Variants in MBD5 observed in about 807,000 individuals in gnomAD.
MBD5 encodes the protein methyl-CpG-binding domain protein 5.
MBD5 carries 13 observed loss-of-function variants against 117.3 expected under a neutral mutation model. That is an observed-to-expected ratio of 0.11 (90% CI 0.07 to 0.18). MBD5 has a LOEUF of 0.18. Ranked by LOEUF, MBD5 falls within the 10% of genes least tolerant of loss-of-function variation. The probability of loss-of-function intolerance (pLI) is 1.00; values close to 1 mark genes in which losing one functional copy is unlikely to be tolerated. For missense variants in MBD5, 1,879 were observed against 2,093.8 expected (o/e 0.90, Z 2.00); for synonymous variants, 727 against 766.4 (o/e 0.95, Z 0.85).
intron 2 of MBD5, among the ~76,000 whole-genome samples, chr2:148,217,720 C>T (rs1699590854): frequency 6.6e-6 from 1 of 152,084 alleles, no homozygotes; most frequent in East Asian, 1.9e-4. Context: ...TGATGCATGC[C>T]ATCCCATCAT....
chr2:148,208,427 T>G (rs1335141102), intron 2 of MBD5, among the ~76,000 whole-genome samples: 2 of 152,000 alleles, frequency 1.3e-5, no homozygotes, highest in Non-Finnish European at 2.9e-5. Context: ...CCAATTTTAT[T>G]TTAATTTTTA....
intron 1 of MBD5, among the ~76,000 whole-genome samples, chr2:148,073,286 G>A (rs1695409701): frequency 6.6e-6 from 1 of 152,030 alleles, no homozygotes; most frequent in South Asian, 2.1e-4. Flanking sequence ...GGGGTAGCAG[G>A]TATAGGCAAT....
intron 1 of MBD5, among the ~76,000 whole-genome samples, chr2:148,040,052 G>C (rs991054560): frequency 3.9e-5 from 6 of 152,054 alleles, no homozygotes; most frequent in Admixed American, 3.3e-4. Flanking sequence ...GGAGGAGGGA[G>C]AGGATCAAAA....
At chr2:148,468,320 T>C (rs763563325) in intron 7 of MBD5, 21 bp from the exon 8 acceptor site, 6 of 1,605,720 alleles carry the variant, frequency 3.7e-6, no homozygotes, top group Non-Finnish European at 4.3e-6. Flanking sequence ...AACAGAATTC[T>C]TTTTTTCTCT....
At chr2:148,149,391 A>T (rs1246171128) in intron 1 of MBD5, among the ~76,000 whole-genome samples, 1 of 142,118 alleles carries the variant, frequency 7.0e-6, no homozygotes, top group Non-Finnish European at 1.5e-5. Context: ...ATAATGCCGC[A>T]ATAAACATAC....
intron 3 of MBD5, among the ~76,000 whole-genome samples, chr2:148,254,449 T>C (rs1016762311): frequency 7.2e-5 from 11 of 152,264 alleles, no homozygotes; most frequent in Admixed American, 6.5e-5. Flanking sequence ...CTTGTACTTC[T>C]ACAGTTATGA....
At chr2:148,451,693 A>G (rs1254232054) in intron 4 of MBD5, among the ~76,000 whole-genome samples, 1 of 152,178 alleles carries the variant, frequency 6.6e-6, no homozygotes, top group Non-Finnish European at 1.5e-5. Context: ...CTGTTGTTAC[A>G]TGTATATATT....
chr2:148,377,148 AG>A (rs1449664969), intron 4 of MBD5, among the ~76,000 whole-genome samples: 1 of 152,012 alleles, frequency 6.6e-6, no homozygotes, highest in Non-Finnish European at 1.5e-5. Flanking sequence ...CTGCAAGCTG[AG>A]GAGCAAGGAA....
chr2:148,084,055 T>C (rs946212968), intron 1 of MBD5, among the ~76,000 whole-genome samples: 1 of 152,246 alleles, frequency 6.6e-6, no homozygotes, highest in Non-Finnish European at 1.5e-5. Context: ...GAAAACTTGA[T>C]GTAGAAATGC....
At chr2:148,078,529 T>C (rs1470267344) in intron 1 of MBD5, among the ~76,000 whole-genome samples, 6 of 152,232 alleles carry the variant, frequency 3.9e-5, no homozygotes, top group African/African-American at 9.6e-5. Context: ...GATTATCATT[T>C]AAAATCTCCT....
At chr2:148,377,628 A>G (rs1403814033) in intron 4 of MBD5, among the ~76,000 whole-genome samples, 2 of 152,180 alleles carry the variant, frequency 1.3e-5, no homozygotes, top group Admixed American at 1.3e-4. Flanking sequence ...TGCTTCCTCT[A>G]AATTATTTTC....
intron 12 of MBD5, among the ~76,000 whole-genome samples, chr2:148,509,514 T>C (rs1370442884): frequency 1.3e-5 from 2 of 152,208 alleles, no homozygotes; most frequent in African/African-American, 4.8e-5. Context: ...CTCCGGAGCC[T>C]CAGGTGCGTC....
intron 4 of MBD5, among the ~76,000 whole-genome samples, chr2:148,442,648 T>C (rs1482297631): frequency 6.6e-6 from 1 of 151,284 alleles, no homozygotes; most frequent in Non-Finnish European, 1.5e-5. Context: ...TAAAAGTATA[T>C]GCCTTATATG....
intron 1 of MBD5, among the ~76,000 whole-genome samples, chr2:148,109,251 C>T (rs538571064): frequency 1.6e-4 from 24 of 152,062 alleles, no homozygotes; most frequent in Non-Finnish European, 2.6e-4. Flanking sequence ...CACCGCTGTA[C>T]CCTAGCCTGG....
At chr2:148,255,423 G>A (rs1352291555) in intron 3 of MBD5, among the ~76,000 whole-genome samples, 1 of 152,152 alleles carries the variant, frequency 6.6e-6, no homozygotes, top group Non-Finnish European at 1.5e-5. Flanking sequence ...GCCGTGTATT[G>A]AACACCCAAG....
chr2:148,292,891 TAA>T (rs59347845), intron 3 of MBD5, among the ~76,000 whole-genome samples: 5 of 135,330 alleles, frequency 3.7e-5, no homozygotes, highest in East Asian at 4.4e-4. Flanking sequence ...CATTCAGCCA[TAA>T]AAAAAAAAAA....
intron 1 of MBD5, among the ~76,000 whole-genome samples, chr2:148,082,860 G>A (rs187771112): frequency 6.6e-6 from 1 of 152,242 alleles, no homozygotes; most frequent in African/African-American, 2.4e-5. Context: ...AAAATACGTA[G>A]GTTATCCTCT....
intron 1 of MBD5, chr2:148,041,491 G>A (rs1400133028): frequency 6.6e-6 from 1 of 152,166 alleles, no homozygotes; most frequent in Non-Finnish European, 1.5e-5. Flanking sequence ...AGATTGTATA[G>A]ACACTCTTGT....
intron 4 of MBD5, among the ~76,000 whole-genome samples, chr2:148,364,628 A>T (rs1703642075): frequency 6.6e-6 from 1 of 152,180 alleles, no homozygotes; most frequent in Non-Finnish European, 1.5e-5. Flanking sequence ...ATAGGCTCAG[A>T]ATAAAGGGAT....
Sources: allele counts gnomAD v4.1 joint callset (sites outside exome capture counted in the v4.1 genomes callset), GRCh38; gene constraint gnomAD v4.1.1; transcripts MANE v1.5; gene names NCBI Gene and HGNC (gene_info 2026-07-23, HGNC 2026-07-21).